Variants in DRC9 observed in about 807,000 individuals in gnomAD.
The protein encoded by DRC9 is dynein regulatory complex protein 9.
the DRC9 span, among the ~76,000 whole-genome samples, chr3:197,952,835 A>C: frequency 1.0e-4 from 15 of 147,002 alleles, no homozygotes; most frequent in Non-Finnish European, 1.5e-4. Context: ...TATGCTGTAG[A>C]CTTTTTTTTT....
the DRC9 span, chr3:197,914,115 G>A: frequency 7.6e-7 from 1 of 1,309,490 alleles, no homozygotes; most frequent in African/African-American, 1.5e-5. Context: ...GCGGCTTACG[G>A]TTCCCTTTTA....
At chr3:197,932,040 ACCCAAATT>A in the DRC9 span, 2 of 918,592 alleles carry the variant, frequency 2.2e-6, no homozygotes, top group Non-Finnish European at 1.6e-6. Flanking sequence ...TAGGAAGAAA[ACCCAAATT>A]CTGACTTCTA....
the DRC9 span, chr3:197,906,227 A>G: frequency 1.3e-5 from 2 of 152,158 alleles, no homozygotes; most frequent in African/African-American, 4.8e-5. Context: ...TGCCAGCGGT[A>G]TGTGGGTGGG....
At chr3:197,932,743 C>G in the DRC9 span, among the ~76,000 whole-genome samples, 1 of 147,262 alleles carries the variant, frequency 6.8e-6, no homozygotes, top group African/African-American at 2.5e-5. Context: ...GGAAGAATTG[C>G]TTGAGCCCAG....
chr3:197,955,635 T>C, the DRC9 span: 1 of 952,442 alleles, frequency 1.0e-6, no homozygotes, highest in Non-Finnish European at 1.7e-6. Context: ...AAACTTTCCT[T>C]ACCACTAGAA....
the DRC9 span, among the ~76,000 whole-genome samples, chr3:197,908,729 A>G: frequency 6.7e-6 from 1 of 150,238 alleles, no homozygotes; most frequent in Non-Finnish European, 1.5e-5. Context: ...AAGAGCGAGC[A>G]ACCCTTTCCC....
chr3:197,889,553 C>T, the DRC9 span: 11 of 1,613,802 alleles, frequency 6.8e-6, no homozygotes, highest in East Asian at 1.8e-4. Flanking sequence ...TCCAGAATAC[C>T]AGCAGAAAAC....
chr3:197,909,759 G>A, the DRC9 span, among the ~76,000 whole-genome samples: 1 of 152,336 alleles, frequency 6.6e-6, no homozygotes, highest in East Asian at 1.9e-4. Context: ...TTGGGAGGCT[G>A]AGGCCAGCAG....
At chr3:197,893,569 CG>C in the DRC9 span, among the ~76,000 whole-genome samples, 1 of 151,600 alleles carries the variant, frequency 6.6e-6, no homozygotes, top group Non-Finnish European at 1.5e-5. Context: ...TAGGGCCGGG[CG>C]CAGTGGCTCA....
chr3:197,913,353 C>T, the DRC9 span: 138 of 188,518 alleles, frequency 7.3e-4, no homozygotes, highest in Middle Eastern at 6.0e-3. Flanking sequence ...TGCGTGTGTG[C>T]GTGCGTGCGT....
chr3:197,945,555 A>G, the DRC9 span: 1 of 1,093,596 alleles, frequency 9.1e-7, no homozygotes, highest in Admixed American at 2.1e-5. Flanking sequence ...AGGTATACAC[A>G]GAAATTTAAC....
the DRC9 span, among the ~76,000 whole-genome samples, chr3:197,928,235 T>C: frequency 6.6e-6 from 1 of 152,196 alleles, no homozygotes; most frequent in African/African-American, 2.4e-5. Flanking sequence ...CAAAACTAAG[T>C]TATATTATGG....
At chr3:197,924,605 C>T in the DRC9 span, among the ~76,000 whole-genome samples, 39 of 151,982 alleles carry the variant, frequency 2.6e-4, no homozygotes, top group African/African-American at 9.2e-4. Flanking sequence ...CTGCAACCTC[C>T]GCCTCCCAGG....
the DRC9 span, among the ~76,000 whole-genome samples, chr3:197,919,892 T>C: frequency 4.0e-5 from 6 of 151,840 alleles, no homozygotes; most frequent in Non-Finnish European, 7.4e-5. Flanking sequence ...AGGAAAAAAA[T>C]AGTTCTCTAT....
chr3:197,954,092 G>A, the DRC9 span: 34 of 1,614,014 alleles, frequency 2.1e-5, no homozygotes, highest in East Asian at 4.5e-5. Context: ...GGCATGGTTC[G>A]TGCCAAATTC....
At chr3:197,934,131 T>C in the DRC9 span, among the ~76,000 whole-genome samples, 1 of 151,718 alleles carries the variant, frequency 6.6e-6, no homozygotes, top group South Asian at 2.1e-4. Context: ...TGCTAAACTA[T>C]TTTTGCATTC....
the DRC9 span, among the ~76,000 whole-genome samples, chr3:197,928,452 G>A: frequency 1.7e-4 from 25 of 151,296 alleles, 1 homozygote; most frequent in Non-Finnish European, 3.2e-4. Context: ...GGGTTCAAGC[G>A]ATTCTCCTGC....
chr3:197,909,338 G>T, the DRC9 span, among the ~76,000 whole-genome samples: 1 of 152,168 alleles, frequency 6.6e-6, no homozygotes, highest in African/African-American at 2.4e-5. Context: ...TAATAAAAAG[G>T]ATAATATAAA....
the DRC9 span, chr3:197,951,299 A>G: frequency 1.9e-6 from 3 of 1,613,946 alleles, no homozygotes; most frequent in African/African-American, 1.3e-5. Flanking sequence ...GCTTATGTAT[A>G]TAAAGCAAAG....
Sources: gnomAD v4.1 joint callset for allele counts (sites outside exome capture counted in the v4.1 genomes callset) on GRCh38, gnomAD v4.1.1 for gene constraint, MANE v1.5 for transcripts, NCBI Gene and HGNC (gene_info 2026-07-23, HGNC 2026-07-21) for gene names.